CDH20: variants seen among roughly 807,000 people sequenced by gnomAD.
CDH20 encodes the protein cadherin-20.
CDH20 carries 29 observed loss-of-function variants against 74.2 expected under a neutral mutation model. The observed-to-expected ratio is 0.39, with a 90% CI of 0.29 to 0.53. The LOEUF (loss-of-function observed/expected upper bound fraction) is 0.53. Among genes scored for constraint, CDH20 ranks in the 20% least tolerant of loss-of-function variants. CDH20 has a pLI of 0.69. For synonymous variants in CDH20, 469 were observed against 405.4 expected, an observed-to-expected ratio of 1.16 and a Z score of -1.88; for missense variants, 988 against 1,048.3, an observed-to-expected ratio of 0.94 and a Z score of 0.79.
intron 1 of CDH20, among the ~76,000 whole-genome samples, chr18:61,394,759 G>A (rs989335939): frequency 6.6e-6 from 1 of 152,008 alleles, no homozygotes; most frequent in Non-Finnish European, 1.5e-5. Context: ...CCTCCATGGT[G>A]TTTACCAATG....
At chr18:61,388,996 G>C (rs1911686966) in intron 1 of CDH20, among the ~76,000 whole-genome samples, 1 of 152,136 alleles carries the variant, frequency 6.6e-6, no homozygotes, top group Non-Finnish European at 1.5e-5. Flanking sequence ...AAAGACCTTA[G>C]AGATCATCTT....
chr18:61,393,094 G>A (rs1911847935), intron 1 of CDH20, among the ~76,000 whole-genome samples: 1 of 152,098 alleles, frequency 6.6e-6, no homozygotes, highest in Admixed American at 6.6e-5. Context: ...TTTGTAAACT[G>A]TAAATCAGAA....
At chr18:61,470,671 T>G (rs1043002916) in intron 1 of CDH20, among the ~76,000 whole-genome samples, 24 of 151,046 alleles carry the variant, frequency 1.6e-4, no homozygotes, top group African/African-American at 5.6e-4. Flanking sequence ...AAACAAGAGG[T>G]GAACTTGGTG....
chr18:61,405,907 T>C (rs1912315164), intron 1 of CDH20, among the ~76,000 whole-genome samples: 1 of 152,212 alleles, frequency 6.6e-6, no homozygotes, highest in South Asian at 2.1e-4. Flanking sequence ...GTCTCAACGG[T>C]CTTGCAGAAG....
intron 1 of CDH20, among the ~76,000 whole-genome samples, chr18:61,442,013 C>A (rs549378764): frequency 1.9e-4 from 29 of 152,232 alleles, no homozygotes; most frequent in African/African-American, 6.7e-4. Flanking sequence ...TCAGGACCCA[C>A]AAAATCTTTT....
At chr18:61,383,820 G>A (rs778151234) in intron 1 of CDH20, among the ~76,000 whole-genome samples, 5 of 152,124 alleles carry the variant, frequency 3.3e-5, no homozygotes, top group Non-Finnish European at 7.4e-5. Flanking sequence ...AAGAGTTCCT[G>A]AGCACAGCCA....
At chr18:61,385,909 A>C (rs1911581555) in intron 1 of CDH20, among the ~76,000 whole-genome samples, 1 of 151,436 alleles carries the variant, frequency 6.6e-6, no homozygotes. Context: ...CAGCCTGGGC[A>C]ACAAAGTGAG....
chr18:61,538,116 T>C (rs1474758497), intron 8 of CDH20, among the ~76,000 whole-genome samples: 1 of 152,212 alleles, frequency 6.6e-6, no homozygotes, highest in African/African-American at 2.4e-5. Flanking sequence ...GTGTGTTTGA[T>C]CCTGTAATAT....
chr18:61,389,146 G>C (rs549674903), intron 1 of CDH20, among the ~76,000 whole-genome samples: 55 of 152,244 alleles, frequency 3.6e-4, no homozygotes, highest in Non-Finnish European at 6.3e-4. Context: ...TTTCGTCTGA[G>C]GAGTCCTCGA....
At chr18:61,388,054 C>T (rs571109678) in intron 1 of CDH20, among the ~76,000 whole-genome samples, 5 of 152,052 alleles carry the variant, frequency 3.3e-5, no homozygotes, top group African/African-American at 4.8e-5. Context: ...GCTAGCTATA[C>T]GGTAGTGTAA....
At position 61,550,237 on chromosome 18, in the gene CDH20, A is replaced by G. The variant is rs537470779; in HGVS notation, c.1900+8A>G. On this transcript the variant is annotated splice_region_variant and intron_variant, in intron 11 of 11. Transcript: ENST00000262717. ...GCATCTTTGTCCTCTTAGGTGAGTA[A>G]GGGGCTGCTTTCCCTTCTGTGGAGT... The G allele has an allele frequency of 1.9e-6, 3 of 1,609,800 alleles. No individual in the cohort carries two copies. The highest frequency in any genetic ancestry group is 1.1e-5 in the South Asian group (1 of 90,904).
intron 1 of CDH20, among the ~76,000 whole-genome samples, chr18:61,335,274 A>T (rs1370810558): frequency 6.6e-6 from 1 of 152,100 alleles, no homozygotes; most frequent in Non-Finnish European, 1.5e-5. Flanking sequence ...TGCTGAAAGG[A>T]TTCAGGTCCT....
At chr18:61,479,065 G>C (rs1256423979) in intron 1 of CDH20, among the ~76,000 whole-genome samples, 2 of 152,106 alleles carry the variant, frequency 1.3e-5, no homozygotes, top group East Asian at 3.9e-4. Context: ...GGAAAAAATA[G>C]TTCTGAAGTA....
chr18:61,441,041 A>G (rs1006203195), intron 1 of CDH20, among the ~76,000 whole-genome samples: 2 of 152,204 alleles, frequency 1.3e-5, no homozygotes, highest in Admixed American at 6.5e-5. Flanking sequence ...AAGAAGCCCA[A>G]ACAGAATATA....
chr18:61,504,937 T>G (rs1365474720), intron 5 of CDH20, among the ~76,000 whole-genome samples: 1 of 152,078 alleles, frequency 6.6e-6, no homozygotes, highest in Non-Finnish European at 1.5e-5. Context: ...ACTAAGTTCC[T>G]AAGTTGCTTG....
At position 61,443,936 on chromosome 18, in the gene CDH20, G is replaced by C. The variant is rs547349343; in HGVS notation, c.-152-46466G>C. 2.6e-5 allele frequency among the ~76,000 whole-genome samples: 4 copies of C among 152,150 alleles called. No homozygotes were observed. In the Middle Eastern group the frequency reaches 0.014, roughly 518 times the overall value. On this transcript the variant is annotated intron_variant, in intron 1 of 11. Coordinates refer to ENST00000262717, the MANE Select transcript of CDH20 (RefSeq NM_031891.4). The stretch of plus-strand genomic sequence containing the variant: ...GATGGCCCTAGATAGCCAGGGTATG[G>C]GTAGTCCACCACTGGGAATCTCCAG...
intron 1 of CDH20, among the ~76,000 whole-genome samples, chr18:61,352,571 G>A (rs1232606942): frequency 6.6e-6 from 1 of 152,092 alleles, no homozygotes; most frequent in Non-Finnish European, 1.5e-5. Flanking sequence ...TATAACTTCT[G>A]TCAAGTTCCT....
At chr18:61,391,291 A>T (rs2067469460) in intron 1 of CDH20, among the ~76,000 whole-genome samples, 1 of 152,222 alleles carries the variant, frequency 6.6e-6, no homozygotes, top group Non-Finnish European at 1.5e-5. Flanking sequence ...TTAGCCAGCT[A>T]AAATTAAAAA....
intron 3 of CDH20, among the ~76,000 whole-genome samples, chr18:61,499,804 G>A (rs1911300451): frequency 6.6e-6 from 1 of 152,110 alleles, no homozygotes; most frequent in African/African-American, 2.4e-5. Context: ...ATTATCAAAA[G>A]AGCAATAGGG....
Sources: gnomAD v4.1 joint callset for allele counts (sites outside exome capture counted in the v4.1 genomes callset) on GRCh38, gnomAD v4.1.1 for gene constraint, MANE v1.5 for transcripts, NCBI Gene and HGNC (gene_info 2026-07-23, HGNC 2026-07-21) for gene names.